CTNNA3: variants seen among roughly 807,000 people sequenced by gnomAD.
CTNNA3 encodes the protein catenin alpha-3.
In CTNNA3, 76 loss-of-function variants were observed where a neutral mutation model predicts 95.7. That is an observed-to-expected ratio of 0.79 (90% CI 0.66 to 0.96). The LOEUF is 0.96. CTNNA3 is among the 40% of genes least tolerant of loss of function. The pLI, the probability that CTNNA3 is intolerant of heterozygous loss-of-function variation, is 0.00. For synonymous variants in CTNNA3, 431 were observed against 374.4 expected, an observed-to-expected ratio of 1.15 and a Z score of -1.74; for missense variants, 1,191 against 1,089.8, an observed-to-expected ratio of 1.09 and a Z score of -1.31.
At chr10:66,217,352 CAAAAAAA>C (rs34541755) in intron 13 of CTNNA3, among the ~76,000 whole-genome samples, 4 of 128,228 alleles carry the variant, frequency 3.1e-5, no homozygotes, top group Non-Finnish European at 6.5e-5. Flanking sequence ...GACTCTATCT[CAAAAAAA>C]AAAAAAAAAG....
At chr10:66,906,332 G>T (rs963885695) in intron 7 of CTNNA3, among the ~76,000 whole-genome samples, 1 of 152,118 alleles carries the variant, frequency 6.6e-6, no homozygotes, top group African/African-American at 2.4e-5. Context: ...TCTATGCCTA[G>T]AAATAGCTTA....
chr10:66,082,742 A>G, intron 14 of CTNNA3, among the ~76,000 whole-genome samples: 1 of 152,180 alleles, frequency 6.6e-6, no homozygotes, highest in East Asian at 1.9e-4. Flanking sequence ...ATTAAAAACA[A>G]TGTAAAATAT....
intron 5 of CTNNA3, among the ~76,000 whole-genome samples, chr10:67,491,153 C>T (rs79913366): frequency 0.021 from 3,217 of 152,132 alleles, 102 homozygotes; most frequent in African/African-American, 0.068. Context: ...AGCATAATAT[C>T]CCAAAGTGAA....
intron 1 of CTNNA3, among the ~76,000 whole-genome samples, chr10:67,651,973 T>C (rs1008796221): frequency 2.6e-5 from 4 of 152,222 alleles, no homozygotes; most frequent in African/African-American, 7.2e-5. Context: ...CATGGTGCTA[T>C]AACAAATATA....
rs145637395 is a variant in CTNNA3, at chr10:66,820,380, G to A, written c.1048-44856C>T. ...TTAAAGGGTTTTTTTTTGAGGTGAC[G>A]AAAATATACTAGTATTAGATAATGA... On this transcript the variant is annotated intron_variant, in intron 7 of 17. Coordinates refer to ENST00000433211, the MANE Select transcript of CTNNA3 (RefSeq NM_013266.4). 2.4e-3 allele frequency among the ~76,000 whole-genome samples: 363 copies of A among 151,886 alleles called. 1 individual carries two copies. The highest frequency in any genetic ancestry group is 8.4e-3 in the African/African-American group (349 of 41,464).
At chr10:67,382,443 C>G (rs201498768) in intron 5 of CTNNA3, among the ~76,000 whole-genome samples, 1 of 151,952 alleles carries the variant, frequency 6.6e-6, no homozygotes, top group South Asian at 2.1e-4. Context: ...TAAAAATCAA[C>G]TAAAAATCAA....
intron 13 of CTNNA3, among the ~76,000 whole-genome samples, chr10:66,261,072 G>A (rs938998888): frequency 6.6e-6 from 1 of 151,990 alleles, no homozygotes; most frequent in South Asian, 2.1e-4. Context: ...TTGCTTTAAG[G>A]TAAAATGAGA....
Position 66,482,902 on chromosome 10 carries a change from C to T in CTNNA3, c.1531+37715G>A, listed in dbSNP as rs1485793579. Among the ~76,000 whole-genome samples, 13 of 152,202 alleles carry T rather than the reference C, an allele frequency of 8.5e-5. No homozygotes were observed. In the East Asian group the frequency reaches 1.6e-3, roughly 18 times the overall value. ...GCAATGTGGGAATTAAGGAGGAGGGCCTGGTCCAGGGGTTGTTTCATCCTA... is the reference window on the plus strand; with the variant it reads ...GCAATGTGGGAATTAAGGAGGAGGGTCTGGTCCAGGGGTTGTTTCATCCTA... On this transcript the variant is annotated intron_variant, in intron 11 of 17. Coordinates refer to ENST00000433211, the MANE Select transcript of CTNNA3 (RefSeq NM_013266.4).
At chr10:67,324,344 G>T (rs1011712285) in intron 5 of CTNNA3, among the ~76,000 whole-genome samples, 3 of 152,060 alleles carry the variant, frequency 2.0e-5, no homozygotes, top group African/African-American at 7.2e-5. Context: ...TCTAGCTTTT[G>T]CCCATCAGTA....
intron 12 of CTNNA3, among the ~76,000 whole-genome samples, chr10:66,323,957 GTCCA>G (rs2092222558): frequency 6.6e-6 from 1 of 151,900 alleles, no homozygotes; most frequent in Non-Finnish European, 1.5e-5. Flanking sequence ...TGGCTGAATG[GTCCA>G]ACTCCAAGGG....
intron 13 of CTNNA3, among the ~76,000 whole-genome samples, chr10:66,207,558 C>A (rs142880296): frequency 6.9e-4 from 105 of 152,078 alleles, no homozygotes; most frequent in African/African-American, 1.6e-3. Context: ...TTATTCCTAG[C>A]CCCCAAATAA....
At chr10:67,714,724 C>T (rs1399561165) in intron 1 of CTNNA3, among the ~76,000 whole-genome samples, 3 of 152,114 alleles carry the variant, frequency 2.0e-5, no homozygotes, top group Non-Finnish European at 4.4e-5. Context: ...TTGACTGTGT[C>T]CCCACCCAAA....
chr10:67,617,705 C>T (rs1339499914), intron 2 of CTNNA3, among the ~76,000 whole-genome samples: 1 of 151,430 alleles, frequency 6.6e-6, no homozygotes, highest in Non-Finnish European at 1.5e-5. Context: ...GTTGAACTAA[C>T]TTACATTCCC....
At chr10:66,571,433 G>A (rs986012423) in intron 10 of CTNNA3, among the ~76,000 whole-genome samples, 1 of 152,166 alleles carries the variant, frequency 6.6e-6, no homozygotes, top group Non-Finnish European at 1.5e-5. Context: ...GGAAAACAGG[G>A]CAGCAATTAC....
At chr10:66,585,554 C>T (rs1216935110) in intron 10 of CTNNA3, among the ~76,000 whole-genome samples, 1 of 151,644 alleles carries the variant, frequency 6.6e-6, no homozygotes, top group African/African-American at 2.4e-5. Context: ...ATTGGCTTTC[C>T]TTTAAAATAT....
chr10:66,280,433 C>T, intron 13 of CTNNA3, 37 bp downstream of exon 13: 6 of 1,572,826 alleles, frequency 3.8e-6, no homozygotes, highest in Non-Finnish European at 5.2e-6. Context: ...TGGTGAAGAA[C>T]ATTGCAATAA....
chr10:67,494,700 T>C (rs1339828496), intron 5 of CTNNA3, among the ~76,000 whole-genome samples: 3 of 152,250 alleles, frequency 2.0e-5, no homozygotes. Flanking sequence ...TCCATTCTAT[T>C]TGGCCTAATT....
intron 5 of CTNNA3, among the ~76,000 whole-genome samples, chr10:67,488,783 T>A (rs1211472429): frequency 2.6e-5 from 4 of 151,274 alleles, no homozygotes; most frequent in Non-Finnish European, 5.9e-5. Context: ...AATTCTCCTG[T>A]CTCAGCCTCC....
At chr10:66,987,465 A>G (rs1405194427) in intron 7 of CTNNA3, among the ~76,000 whole-genome samples, 1 of 152,168 alleles carries the variant, frequency 6.6e-6, no homozygotes, top group Admixed American at 6.6e-5. Context: ...TTGGGGTCTT[A>G]GCAATCCGAG....
Sources: allele counts gnomAD v4.1 joint callset (sites outside exome capture counted in the v4.1 genomes callset), GRCh38; gene constraint gnomAD v4.1.1; transcripts MANE v1.5; gene names NCBI Gene and HGNC (gene_info 2026-07-23, HGNC 2026-07-21).